Variants in SYN3 observed in about 807,000 individuals in gnomAD.
SYN3 encodes the protein synapsin III.
In SYN3, 35 loss-of-function variants were observed where a neutral mutation model predicts 65.8. The observed-to-expected ratio is 0.53, with a 90% CI of 0.41 to 0.70. SYN3 has a LOEUF of 0.70. Ranked by LOEUF, SYN3 falls within the 30% of genes least tolerant of loss-of-function variation. The pLI is 0.00. For synonymous variants in SYN3, 270 were observed against 292.9 expected (o/e 0.92, Z 0.80); for missense variants, 680 against 749.0 (o/e 0.91, Z 1.08).
chr22:32,965,543 CGTGTGTGTGTGTGTGTGT>C (rs10602672), intron 3 of SYN3, among the ~76,000 whole-genome samples: 4 of 147,242 alleles, frequency 2.7e-5, no homozygotes, highest in South Asian at 2.2e-4. Flanking sequence ...ATGGTGCGTA[CGTGTGTGTGTGTGTGTGT>C]GTGTGTGTGT....
At chr22:32,821,370 A>C (rs962925252) in intron 6 of SYN3, among the ~76,000 whole-genome samples, 3 of 152,244 alleles carry the variant, frequency 2.0e-5, no homozygotes, top group Non-Finnish European at 4.4e-5. Context: ...GAAGATCTGC[A>C]CTTGCTCTTC....
Position 32,511,774 on chromosome 22 carries a change from C to A in SYN3, c.*1918G>T, listed in dbSNP as rs868602667. ...CTCCCAATAGTCACTGGCAATTGGA[C>A]CTATCTGATCTTTCTTATGTCAGGT... On this transcript the variant is annotated 3_prime_UTR_variant, in exon 14 of 14. Coordinates refer to ENST00000358763, the MANE Select transcript of SYN3 (RefSeq NM_003490.4). Among the ~76,000 whole-genome samples the A allele has an allele frequency of 6.6e-6, 1 of 152,182 alleles. No homozygotes were observed. The highest frequency in any genetic ancestry group is 1.5e-5 in the Non-Finnish European group (1 of 68,044).
chr22:32,810,920 C>T lies in SYN3; in HGVS notation c.711+53995G>A, dbSNP rs941818817. 2.0e-5 allele frequency among the ~76,000 whole-genome samples: 3 copies of T among 152,194 alleles called. No homozygotes were observed. The South Asian group carries it at 6.2e-4, about 31-fold the overall frequency. ...TTGGAAACATGATAGCTCTAGTGAG[C>T]TCTGCTACTCCCAAGCTTGGGCAGG... On this transcript the variant is annotated intron_variant, in intron 6 of 13. Transcript: ENST00000358763.
At position 32,972,136 on chromosome 22, in the gene SYN3, C is replaced by G. The variant is rs374778256; in HGVS notation, c.369+8509G>C. On this transcript the variant is annotated intron_variant, in intron 3 of 13. Coordinates refer to ENST00000358763, the MANE Select transcript of SYN3 (RefSeq NM_003490.4). ...GTCCTTCATTCCTCAATGTGCATTACAGCATCCACCACCTGCAATGCTTTT... is the reference window on the plus strand; with the variant it reads ...GTCCTTCATTCCTCAATGTGCATTAGAGCATCCACCACCTGCAATGCTTTT... 1.2e-4 allele frequency among the ~76,000 whole-genome samples: 19 copies of G among 152,308 alleles called. No individual in the cohort carries two copies. The East Asian group carries it at 2.9e-3, about 23-fold the overall frequency.
At chr22:32,822,539 A>T (rs561467733) in intron 6 of SYN3, among the ~76,000 whole-genome samples, 8 of 152,330 alleles carry the variant, frequency 5.3e-5, no homozygotes, top group African/African-American at 1.7e-4. Context: ...TAGCAATCTT[A>T]CTTCTAGAAA....
At chr22:32,703,630 C>T (rs879265119) in intron 6 of SYN3, among the ~76,000 whole-genome samples, 2 of 148,460 alleles carry the variant, frequency 1.3e-5, no homozygotes, top group African/African-American at 2.5e-5. Context: ...GAGGGAGACT[C>T]CATCGCTTAA....
chr22:32,923,247 A>G (rs1259527171), intron 4 of SYN3, among the ~76,000 whole-genome samples: 1 of 152,200 alleles, frequency 6.6e-6, no homozygotes, highest in Non-Finnish European at 1.5e-5. Context: ...GCAGGAGAAG[A>G]CAGGTGTCCC....
At chr22:32,806,481 T>C (rs1410647858) in intron 6 of SYN3, among the ~76,000 whole-genome samples, 1 of 152,204 alleles carries the variant, frequency 6.6e-6, no homozygotes, top group Non-Finnish European at 1.5e-5. Flanking sequence ...CCCCTTCTTC[T>C]ACCTTTTGTC....
chr22:32,700,026 C>G (rs2147195458), intron 6 of SYN3, among the ~76,000 whole-genome samples: 1 of 152,216 alleles, frequency 6.6e-6, no homozygotes, highest in South Asian at 2.1e-4. Context: ...AATCTCAGGC[C>G]CGGAACTCAG....
chr22:32,686,358 C>T (rs1033700744), intron 6 of SYN3, among the ~76,000 whole-genome samples: 7 of 150,536 alleles, frequency 4.7e-5, no homozygotes, highest in South Asian at 4.2e-4. Flanking sequence ...GGGGATCTGA[C>T]GTAGACTGAG....
At chr22:32,561,544 G>A (rs2058586586) in intron 7 of SYN3, among the ~76,000 whole-genome samples, 1 of 152,160 alleles carries the variant, frequency 6.6e-6, no homozygotes, top group African/African-American at 2.4e-5. Context: ...GGACCTTTCA[G>A]TTGGGGGAAT....
intron 7 of SYN3, among the ~76,000 whole-genome samples, chr22:32,581,314 G>A (rs1425239087): frequency 1.3e-5 from 2 of 152,140 alleles, no homozygotes; most frequent in East Asian, 3.9e-4. Flanking sequence ...TCGCCATGTT[G>A]GCCAGGCTGG....
chr22:32,857,665 C>A (rs1306887404), intron 6 of SYN3, among the ~76,000 whole-genome samples: 1 of 152,136 alleles, frequency 6.6e-6, no homozygotes. Context: ...ACCTGTTAGG[C>A]CCGTCTTTGA....
At chr22:32,937,765 G>A (rs886106317) in intron 3 of SYN3, among the ~76,000 whole-genome samples, 1 of 151,322 alleles carries the variant, frequency 6.6e-6, no homozygotes, top group South Asian at 2.1e-4. Flanking sequence ...TCATGCTGCT[G>A]AAAAAAATGC....
At chr22:32,700,259 G>A (rs1053234645) in intron 6 of SYN3, among the ~76,000 whole-genome samples, 1 of 152,272 alleles carries the variant, frequency 6.6e-6, no homozygotes, top group Non-Finnish European at 1.5e-5. Flanking sequence ...CAGGCTTAAA[G>A]TATCCCTTGG....
chr22:32,629,796 G>C (rs1465887015), intron 6 of SYN3: 1 of 152,088 alleles, frequency 6.6e-6, no homozygotes, highest in Non-Finnish European at 1.5e-5. Flanking sequence ...TAGTGGGGTG[G>C]TTAAGAGCAT....
intron 13 of SYN3, 39 bp from the exon 14 acceptor site, chr22:32,513,863 G>T (rs768519882): frequency 1.9e-6 from 3 of 1,612,230 alleles, no homozygotes; most frequent in Non-Finnish European, 2.5e-6. Flanking sequence ...AAGACAAGGC[G>T]AAGACTATCA....
At chr22:32,636,120 G>A (rs1408322995) in intron 6 of SYN3, among the ~76,000 whole-genome samples, 6 of 152,148 alleles carry the variant, frequency 3.9e-5, no homozygotes, top group African/African-American at 1.2e-4. Context: ...TCAGAACCAC[G>A]GCCGGGCGTG....
At chr22:32,540,142 A>G (rs991110613) in intron 8 of SYN3, among the ~76,000 whole-genome samples, 1 of 152,206 alleles carries the variant, frequency 6.6e-6, no homozygotes, top group Non-Finnish European at 1.5e-5. Context: ...AACAGAGACG[A>G]TATAGCCCGT....
Sources: allele counts gnomAD v4.1 joint callset (sites outside exome capture counted in the v4.1 genomes callset), GRCh38; gene constraint gnomAD v4.1.1; transcripts MANE v1.5; gene names NCBI Gene and HGNC (gene_info 2026-07-23, HGNC 2026-07-21).